Variants in ATXN1 observed in about 807,000 individuals in gnomAD.
ATXN1 encodes the protein ataxin 1.
ATXN1 carries 8 observed loss-of-function variants against 56.4 expected under a neutral mutation model. The ratio of observed to expected loss-of-function variants is 0.14; its 90% CI spans 0.08 to 0.26. The LOEUF (loss-of-function observed/expected upper bound fraction) is 0.26. ATXN1 is among the 10% of genes least tolerant of loss of function. The pLI is 1.00. For missense variants in ATXN1, 987 were observed against 1,106.5 expected, an observed-to-expected ratio of 0.89 and a Z score of 1.53; for synonymous variants, 514 against 494.6, an observed-to-expected ratio of 1.04 and a Z score of -0.52.
At chr6:16,476,191 C>T (rs1355469041) in intron 6 of ATXN1, among the ~76,000 whole-genome samples, 3 of 152,174 alleles carry the variant, frequency 2.0e-5, no homozygotes, top group African/African-American at 7.2e-5. Flanking sequence ...ACGCCTACCC[C>T]TGTGATCAAC....
At chr6:16,533,499 G>T (rs577852533) in intron 4 of ATXN1, among the ~76,000 whole-genome samples, 1 of 152,264 alleles carries the variant, frequency 6.6e-6, no homozygotes, top group Admixed American at 6.5e-5. Flanking sequence ...CAGAATGCTT[G>T]CAATATCCTT....
At chr6:16,446,820 C>A (rs189414617) in intron 6 of ATXN1, among the ~76,000 whole-genome samples, 6 of 152,282 alleles carry the variant, frequency 3.9e-5, no homozygotes, top group Admixed American at 2.6e-4. Context: ...ATACTCTCTA[C>A]AGTTTGCTGA....
intron 2 of ATXN1, among the ~76,000 whole-genome samples, chr6:16,660,146 C>T (rs1274604518): frequency 2.0e-5 from 3 of 152,204 alleles, no homozygotes; most frequent in East Asian, 3.8e-4. Context: ...TTTCAATATG[C>T]TTCCCTCTTT....
chr6:16,550,770 T>C (rs1389801823), intron 4 of ATXN1, among the ~76,000 whole-genome samples: 1 of 152,220 alleles, frequency 6.6e-6, no homozygotes, highest in African/African-American at 2.4e-5. Flanking sequence ...CTGTATTAGA[T>C]TATCAAAAAG....
At chr6:16,433,639 C>T (rs1759331754) in intron 6 of ATXN1, among the ~76,000 whole-genome samples, 1 of 152,216 alleles carries the variant, frequency 6.6e-6, no homozygotes, top group Admixed American at 6.5e-5. Context: ...CTGTACAGCT[C>T]CTTACTGTCA....
At chr6:16,647,239 TGA>T (rs1003419141) in intron 3 of ATXN1, among the ~76,000 whole-genome samples, 2 of 152,144 alleles carry the variant, frequency 1.3e-5, no homozygotes, top group African/African-American at 4.8e-5. Flanking sequence ...CCTGACCTTG[TGA>T]TCCACCCACC....
intron 7 of ATXN1, among the ~76,000 whole-genome samples, chr6:16,324,641 G>A (rs772079777): frequency 5.9e-5 from 9 of 152,158 alleles, no homozygotes; most frequent in South Asian, 2.1e-4. Flanking sequence ...AAGTACGCTC[G>A]ATAGCCAGGA....
intron 4 of ATXN1, among the ~76,000 whole-genome samples, chr6:16,545,172 G>A (rs1448954514): frequency 6.6e-6 from 1 of 152,042 alleles, no homozygotes; most frequent in Non-Finnish European, 1.5e-5. Context: ...CATAATTCAC[G>A]TTTGATTTGA....
At chr6:16,492,196 G>T (rs960351477) in intron 5 of ATXN1, among the ~76,000 whole-genome samples, 1 of 151,750 alleles carries the variant, frequency 6.6e-6, no homozygotes, top group African/African-American at 2.4e-5. Flanking sequence ...ATAATAAATA[G>T]GTATTGTTAT....
intron 1 of ATXN1, among the ~76,000 whole-genome samples, chr6:16,755,452 T>C (rs1331034360): frequency 6.6e-6 from 1 of 152,050 alleles, no homozygotes; most frequent in Non-Finnish European, 1.5e-5. Context: ...CATAATACAA[T>C]ACTATTAATA....
In ATXN1 at chr6:16,562,463, G is replaced by GAGGAA. The variant is rs1561756164; in HGVS notation, c.-361+23316_-361+23317insTTCCT. On this transcript the variant is annotated intron_variant, in intron 4 of 7. Transcript: ENST00000436367. ...AAAGAAAAGAAAGAAAAGGAGAGGA[G>GAGGAA]AGGAGAGGAGAGGAGAGGAGAGGAA... Among the ~76,000 whole-genome samples the GAGGAA allele has an allele frequency of 1.3e-3, 97 of 72,000 alleles. 1 individual carries two copies. Among genetic ancestry groups the GAGGAA allele is most frequent in the African/African-American group, 6.6e-3 (79 of 11,898 alleles). 47.2% of individuals were successfully genotyped at this position (72,000 alleles called of 152,430 possible).
intron 2 of ATXN1, among the ~76,000 whole-genome samples, chr6:16,694,201 A>G (rs1220625820): frequency 6.6e-6 from 1 of 152,050 alleles, no homozygotes; most frequent in Non-Finnish European, 1.5e-5. Flanking sequence ...TGAGAAGAGG[A>G]AATTAACATT....
chr6:16,512,631 G>C (rs919483811), intron 5 of ATXN1, among the ~76,000 whole-genome samples: 1 of 152,182 alleles, frequency 6.6e-6, no homozygotes, highest in Non-Finnish European at 1.5e-5. Flanking sequence ...AAGAGAAATA[G>C]AATGGGCTGA....
At chr6:16,446,506 C>T (rs968615670) in intron 6 of ATXN1, among the ~76,000 whole-genome samples, 2 of 152,182 alleles carry the variant, frequency 1.3e-5, no homozygotes, top group Non-Finnish European at 2.9e-5. Flanking sequence ...GCTGCCCAAC[C>T]CCAGATTTGT....
At chr6:16,716,939 A>G (rs1320909833) in intron 2 of ATXN1, among the ~76,000 whole-genome samples, 1 of 152,234 alleles carries the variant, frequency 6.6e-6, no homozygotes. Flanking sequence ...TATCCATTCC[A>G]AAGGGACTTA....
At chr6:16,526,265 C>T (rs892500813) in intron 4 of ATXN1, among the ~76,000 whole-genome samples, 3 of 151,856 alleles carry the variant, frequency 2.0e-5, no homozygotes, top group Non-Finnish European at 4.4e-5. Flanking sequence ...ACAGAGTCTA[C>T]CAAAGTGTCC....
rs552159290 is a variant in ATXN1, at chr6:16,684,038, T to C, written c.-614-26137A>G. Among the ~76,000 whole-genome samples the C allele has an allele frequency of 5.9e-5, 9 of 152,256 alleles. No individual in the cohort carries two copies. The South Asian group carries it at 1.2e-3, about 21-fold the overall frequency. ...TTGTCTGTGACTCAGAGGCAGACCA[T>C]GGGGCCAACAAATCCAGCCCATGAT... On this transcript the variant is annotated intron_variant, in intron 2 of 7. Transcript: ENST00000436367.
chr6:16,582,898 C>T (rs576924954), intron 4 of ATXN1, among the ~76,000 whole-genome samples: 1 of 152,240 alleles, frequency 6.6e-6, no homozygotes, highest in Admixed American at 6.5e-5. Context: ...GTGTTATTAC[C>T]ATTCCCACTA....
At chr6:16,515,719 C>T (rs1283749013) in intron 5 of ATXN1, among the ~76,000 whole-genome samples, 1 of 152,124 alleles carries the variant, frequency 6.6e-6, no homozygotes, top group Non-Finnish European at 1.5e-5. Flanking sequence ...ATATGCGTGG[C>T]CCCTGTCTGG....
Sources: allele counts gnomAD v4.1 joint callset (sites outside exome capture counted in the v4.1 genomes callset), GRCh38; gene constraint gnomAD v4.1.1; transcripts MANE v1.5; gene names NCBI Gene and HGNC (gene_info 2026-07-23, HGNC 2026-07-21).